HSD17B2: variants seen among roughly 807,000 people sequenced by gnomAD.
The protein encoded by HSD17B2 is hydroxysteroid 17-beta dehydrogenase 2.
Under a neutral mutation model 26.9 loss-of-function variants are expected in HSD17B2, and 32 were observed. The observed-to-expected ratio is 1.19, with a 90% CI of 0.90 to 1.60. The LOEUF (loss-of-function observed/expected upper bound fraction) is 1.60. Among genes scored for constraint, HSD17B2 ranks in the 40% most tolerant of loss-of-function variants. The pLI is 0.00. For missense variants in HSD17B2, 613 were observed against 468.6 expected (o/e 1.31, Z -2.85); for synonymous variants, 246 against 186.7 (o/e 1.32, Z -2.59).
intron 1 of HSD17B2, 99 bp from the exon 2 acceptor site, chr16:82,068,071 C>G: frequency 9.4e-7 from 1 of 1,061,448 alleles, no homozygotes; most frequent in Non-Finnish European, 1.4e-6. Flanking sequence ...CTTCAGAGAG[C>G]ATGGAGAATC....
intron 3 of HSD17B2, among the ~76,000 whole-genome samples, chr16:82,084,645 G>T (rs75527979): frequency 0.018 from 2,692 of 152,126 alleles, 85 homozygotes; most frequent in African/African-American, 0.059. Flanking sequence ...TCTGTTTGAG[G>T]CCCAAAACCT....
At chr16:82,061,392 C>T (rs977848191) in intron 1 of HSD17B2, among the ~76,000 whole-genome samples, 7 of 152,166 alleles carry the variant, frequency 4.6e-5, no homozygotes, top group Non-Finnish European at 1.0e-4. Flanking sequence ...GTCCTACTGT[C>T]ACTCCATTTT....
At chr16:82,050,848 C>T (rs1914085062) in intron 1 of HSD17B2, among the ~76,000 whole-genome samples, 1 of 152,110 alleles carries the variant, frequency 6.6e-6, no homozygotes, top group African/African-American at 2.4e-5. Flanking sequence ...GCACTATTGA[C>T]ATTTGGGGCT....
intron 1 of HSD17B2, among the ~76,000 whole-genome samples, chr16:82,054,858 T>C (rs185559712): frequency 9.6e-4 from 146 of 152,302 alleles, no homozygotes; most frequent in African/African-American, 3.4e-3. Context: ...AGTCACACCT[T>C]GGTTCAAAAC....
chr16:82,047,352 GT>G (rs1913964305), intron 1 of HSD17B2, among the ~76,000 whole-genome samples: 1 of 152,202 alleles, frequency 6.6e-6, no homozygotes, highest in Non-Finnish European at 1.5e-5. Context: ...GCATAGGAGG[GT>G]TTTAAAAAAG....
chr16:82,037,196 A>C (rs751518908), intron 1 of HSD17B2, among the ~76,000 whole-genome samples: 8 of 152,222 alleles, frequency 5.3e-5, no homozygotes, highest in Non-Finnish European at 1.0e-4. Context: ...GGCAATGAAG[A>C]AAGCTTAGAA....
chr16:82,063,555 A>T (rs1914501120), intron 1 of HSD17B2, among the ~76,000 whole-genome samples: 1 of 152,250 alleles, frequency 6.6e-6, no homozygotes, highest in South Asian at 2.1e-4. Flanking sequence ...AAACAAAAAA[A>T]AACCTCAGAT....
chr16:82,046,715 C>A (rs1245220508), intron 1 of HSD17B2, among the ~76,000 whole-genome samples: 1 of 151,920 alleles, frequency 6.6e-6, no homozygotes, highest in Non-Finnish European at 1.5e-5. Context: ...TAAGTGTACA[C>A]AAGAGGAGCC....
chr16:82,071,046 G>A lies in HSD17B2; in HGVS notation c.583G>A (p.Gly195Arg), dbSNP rs1302624113. 2.5e-6 allele frequency: 4 copies of A among 1,614,178 alleles called. No individual in the cohort carries two copies. Among genetic ancestry groups the A allele is most frequent in the Non-Finnish European group, 2.5e-6 (3 of 1,180,024 alleles). ...YKQCMAVNFF[G>R]TVEVTKTFLP... Reference sequence around the variant, plus strand: ...ACAATGCATGGCCGTGAACTTCTTTGGAACTGTGGAGGTCACAAAGACGTT... The same window carrying A: ...ACAATGCATGGCCGTGAACTTCTTTAGAACTGTGGAGGTCACAAAGACGTT... The change falls in exon 3 of 5, where the codon GGA becomes AGA. Residue 195 changes from glycine (G) to arginine (R), a missense_variant. Physicochemically the swap from Gly to Arg is moderately radical, Grantham distance 125. Coordinates refer to ENST00000199936, the MANE Select transcript of HSD17B2 (RefSeq NM_002153.3).
intron 4 of HSD17B2, chr16:82,095,971 T>C (rs1465830222): frequency 6.6e-6 from 1 of 152,206 alleles, no homozygotes; most frequent in African/African-American, 2.4e-5. Context: ...TTTAAAAATA[T>C]GCACATCTCC....
At chr16:82,089,991 G>A (rs1904636609) in intron 3 of HSD17B2, among the ~76,000 whole-genome samples, 1 of 152,092 alleles carries the variant, frequency 6.6e-6, no homozygotes, top group Non-Finnish European at 1.5e-5. Flanking sequence ...TCAGTTTAAG[G>A]CTCAATCTCA....
At chr16:82,046,272 C>G (rs8049510) in intron 1 of HSD17B2, among the ~76,000 whole-genome samples, 14,896 of 152,126 alleles carry the variant, frequency 0.098, 2,428 homozygotes, top group African/African-American at 0.34. Flanking sequence ...ATAAGATGAT[C>G]TCGGTGCCAC....
At chr16:82,048,790 C>A (rs1400177611) in intron 1 of HSD17B2, among the ~76,000 whole-genome samples, 2 of 152,096 alleles carry the variant, frequency 1.3e-5, no homozygotes, top group Non-Finnish European at 2.9e-5. Context: ...TTTGTGGTGC[C>A]AGTGTTGGTT....
At position 82,091,020 on chromosome 16, in the gene HSD17B2, A is replaced by T; in HGVS notation, c.783A>T (p.Gln261His). The T allele has an allele frequency of 6.2e-7, 1 of 1,613,822 alleles. No individual in the cohort carries two copies. Among genetic ancestry groups the T allele is most frequent in the Non-Finnish European group, 8.5e-7 (1 of 1,179,862 alleles). ...GGGGAATTAAAGTTGCTTCCATCCAACCTGGAGGCTTCCTAACAAGTAGGT... is the reference window on the plus strand; with the variant it reads ...GGGGAATTAAAGTTGCTTCCATCCATCCTGGAGGCTTCCTAACAAGTAGGT... ...SKWGIKVASI[Q>H]PGGFLTNIAG... Residue 261 changes from glutamine (Q) to histidine (H), a missense_variant, in exon 4 of 5, where the codon CAA becomes CAT. Coordinates refer to ENST00000199936, the MANE Select transcript of HSD17B2 (RefSeq NM_002153.3).
chr16:82,038,628 G>A (rs1344835068), intron 1 of HSD17B2, among the ~76,000 whole-genome samples: 2 of 152,190 alleles, frequency 1.3e-5, no homozygotes. Flanking sequence ...CCACAACATA[G>A]TGGGAAAAAA....
chr16:82,045,087 C>T (rs965277454), intron 1 of HSD17B2, among the ~76,000 whole-genome samples: 1 of 134,224 alleles, frequency 7.5e-6, no homozygotes, highest in Non-Finnish European at 1.5e-5. Context: ...CACACCACCG[C>T]ACTCCAGCTT....
At chr16:82,047,567 A>G (rs1913971765) in intron 1 of HSD17B2, among the ~76,000 whole-genome samples, 1 of 152,188 alleles carries the variant, frequency 6.6e-6, no homozygotes, top group African/African-American at 2.4e-5. Flanking sequence ...GAGAGTTCAG[A>G]GAAGTGGGCA....
At chr16:82,044,905 G>A (rs893033257) in intron 1 of HSD17B2, among the ~76,000 whole-genome samples, 3 of 152,038 alleles carry the variant, frequency 2.0e-5, no homozygotes, top group African/African-American at 7.2e-5. Flanking sequence ...ATCACCTGAG[G>A]TCAGGAGTTC....
rs1163006433 is a variant in HSD17B2, at chr16:82,047,080, G to C, written c.265+11391G>C. ...GCTGACTTTCATTCCTTAAGAAAGA[G>C]AACTCCTTACCCCATAGCACCAGAG... On this transcript the variant is annotated intron_variant, in intron 1 of 4. Transcript: ENST00000199936. 2.6e-5 allele frequency among the ~76,000 whole-genome samples: 4 copies of C among 152,186 alleles called. No homozygotes were observed. In the East Asian group the frequency reaches 7.7e-4, roughly 29 times the overall value.
Sources: allele counts gnomAD v4.1 joint callset (sites outside exome capture counted in the v4.1 genomes callset), GRCh38; gene constraint gnomAD v4.1.1; transcripts MANE v1.5; gene names NCBI Gene and HGNC (gene_info 2026-07-23, HGNC 2026-07-21).